RAMP1: variants seen among roughly 807,000 people sequenced by gnomAD.
RAMP1 encodes the protein receptor activity-modifying protein 1.
RAMP1 carries 7 observed loss-of-function variants against 8.2 expected under a neutral mutation model. The observed-to-expected ratio is 0.85, with a 90% CI of 0.49 to 1.60. The LOEUF (loss-of-function observed/expected upper bound fraction) is 1.60, where lower values mean the gene tolerates loss of function less well. Ranked by LOEUF, RAMP1 falls within the 40% of genes most tolerant of loss-of-function variation. The pLI, the probability that RAMP1 is intolerant of heterozygous loss-of-function variation, is 0.00. For missense variants in RAMP1, 192 were observed against 202.4 expected (o/e 0.95, Z 0.31); for synonymous variants, 92 against 84.7 (o/e 1.09, Z -0.47).
At position 237,900,556 on chromosome 2, in the gene RAMP1, TTTTG is replaced by T. The variant is rs373214866; in HGVS notation, c.192-10968_192-10965del. Among the ~76,000 whole-genome samples the T allele has an allele frequency of 8.1e-3, 1,233 of 152,340 alleles. 14 individuals are homozygous for T. Among genetic ancestry groups the T allele is most frequent in the African/African-American group, 0.028 (1,159 of 41,570 alleles). On this transcript the variant is annotated intron_variant, in intron 2 of 2. Transcript: ENST00000254661. ...AAAAATATCTTGCTTTGGATACTTA[TTTTG>T]TTTATTTTCATTTATTTTTGTTTAA...
rs142793714 is a variant in RAMP1, at chr2:237,865,647, G to T, written c.52+5920G>T. 3.2e-4 allele frequency among the ~76,000 whole-genome samples: 49 copies of T among 152,286 alleles called. 1 individual carries two copies. In the East Asian group the frequency reaches 5.4e-3, roughly 17 times the overall value. ...TAGACAGGAGTCTATGCAAATCAAG[G>T]GTTCAGAAAGAGGTATGGCCAAGAG... On this transcript the variant is annotated intron_variant, in intron 1 of 2. Transcript: ENST00000254661. The surrounding 1 kb of genome is among the most constrained non-coding windows in gnomAD (Gnocchi z 4.2).
chr2:237,904,994 C>T (rs2062638728), intron 2 of RAMP1, among the ~76,000 whole-genome samples: 1 of 152,160 alleles, frequency 6.6e-6, no homozygotes, highest in Admixed American at 6.5e-5. Context: ...ATCACACTTT[C>T]TTACCAGCAA....
At chr2:237,895,453 G>C (rs2062532364) in intron 2 of RAMP1, among the ~76,000 whole-genome samples, 1 of 152,282 alleles carries the variant, frequency 6.6e-6, no homozygotes, top group African/African-American at 2.4e-5. Flanking sequence ...CCCCACGTTG[G>C]GATGTTTCCT....
intron 1 of RAMP1, among the ~76,000 whole-genome samples, chr2:237,861,822 G>T (rs1168559286): frequency 6.6e-6 from 1 of 150,806 alleles, no homozygotes; most frequent in Non-Finnish European, 1.5e-5. Context: ...CTGCACTCCA[G>T]CCTGGGTGAT....
intron 1 of RAMP1, among the ~76,000 whole-genome samples, chr2:237,860,749 C>T: frequency 6.6e-6 from 1 of 152,142 alleles, no homozygotes; most frequent in East Asian, 1.9e-4. Flanking sequence ...ACCTCTTTGG[C>T]GCTGGCACTG....
intron 2 of RAMP1, among the ~76,000 whole-genome samples, chr2:237,894,637 C>T (rs961211325): frequency 1.3e-5 from 2 of 152,198 alleles, no homozygotes; most frequent in Non-Finnish European, 2.9e-5. Flanking sequence ...AGAAGCCAGG[C>T]GGGGCTGAGG....
At chr2:237,897,036 C>T (rs1249704483) in intron 2 of RAMP1, among the ~76,000 whole-genome samples, 1 of 152,218 alleles carries the variant, frequency 6.6e-6, no homozygotes, top group Non-Finnish European at 1.5e-5. Flanking sequence ...GGGTCACCTG[C>T]CCCAGCCTCA....
chr2:237,893,723 G>A (rs2062509115), intron 2 of RAMP1, among the ~76,000 whole-genome samples: 1 of 152,124 alleles, frequency 6.6e-6, no homozygotes, highest in Non-Finnish European at 1.5e-5. Flanking sequence ...TGGATCACTT[G>A]AGGTCAGGAG....
intron 1 of RAMP1, among the ~76,000 whole-genome samples, chr2:237,867,396 C>T (rs1484572358): frequency 6.7e-6 from 1 of 150,186 alleles, no homozygotes; most frequent in Non-Finnish European, 1.5e-5. Context: ...AGGTGATCCA[C>T]ACAGTTCAGA....
intron 2 of RAMP1, among the ~76,000 whole-genome samples, chr2:237,883,591 GA>G (rs2062395425): frequency 1.3e-5 from 2 of 152,194 alleles, no homozygotes; most frequent in Non-Finnish European, 2.9e-5. Context: ...CAAGGCAGAA[GA>G]ATTACTTAAG....
intron 1 of RAMP1, among the ~76,000 whole-genome samples, chr2:237,869,499 G>A (rs1050400582): frequency 1.1e-4 from 16 of 152,110 alleles, no homozygotes; most frequent in African/African-American, 3.9e-4. Flanking sequence ...TTCTGTCTCT[G>A]ACTACTCTAG....
chr2:237,876,563 G>A (rs1423489572), intron 1 of RAMP1, among the ~76,000 whole-genome samples: 4 of 152,198 alleles, frequency 2.6e-5, no homozygotes, highest in East Asian at 1.9e-4. Context: ...GCTGCCCTAC[G>A]AGGTGGCCAA....
At chr2:237,874,079 G>C (rs2062274265) in intron 1 of RAMP1, among the ~76,000 whole-genome samples, 1 of 152,210 alleles carries the variant, frequency 6.6e-6, no homozygotes, top group Non-Finnish European at 1.5e-5. Context: ...CATCCAGGAG[G>C]GACCAGCCCA....
In RAMP1 at chr2:237,911,549, C is replaced by T; in HGVS notation, c.213C>T (p.Asp71=). The part of the protein sequence containing the change: ...RTIRSYRELA[D]CTWHMAEKLG... ...GCAGGAGCTACAGGGAGCTGGCCGA[C>T]TGCACCTGGCACATGGCGGAGAAGC... The change falls in exon 3 of 3, where the codon GAC becomes GAT. Residue 71 remains aspartate (D), a synonymous_variant. Transcript: ENST00000254661. The T allele has an allele frequency of 9.3e-6, 15 of 1,614,140 alleles. No individual in the cohort carries two copies. The highest frequency in any genetic ancestry group is 1.3e-5 in the Non-Finnish European group (15 of 1,179,982).
At position 237,893,014 on chromosome 2, in the gene RAMP1, G is replaced by A. The variant is rs555325357; in HGVS notation, c.191+15652G>A. On this transcript the variant is annotated intron_variant, in intron 2 of 2. Coordinates refer to ENST00000254661, the MANE Select transcript of RAMP1 (RefSeq NM_005855.4). ...TTTCTAGCATCATTCCCTTTTACATGTTACCTTTTAAATTCAGGAGATTAT... is the reference window on the plus strand; with the variant it reads ...TTTCTAGCATCATTCCCTTTTACATATTACCTTTTAAATTCAGGAGATTAT... Among the ~76,000 whole-genome samples, 11 of 152,244 alleles carry A rather than the reference G, an allele frequency of 7.2e-5. No individual in the cohort carries two copies. In the South Asian group the frequency reaches 2.3e-3, roughly 32 times the overall value.
chr2:237,898,438 T>C (rs567098384), intron 2 of RAMP1, among the ~76,000 whole-genome samples: 4 of 152,182 alleles, frequency 2.6e-5, no homozygotes, highest in Non-Finnish European at 5.9e-5. Context: ...AATATCCGTC[T>C]TTCCCTCACG....
intron 2 of RAMP1, among the ~76,000 whole-genome samples, chr2:237,888,590 C>G (rs974562401): frequency 6.6e-6 from 1 of 152,180 alleles, no homozygotes; most frequent in Admixed American, 6.5e-5. Context: ...TGTTTTTTCT[C>G]AAGTGCAAGT....
intron 2 of RAMP1, among the ~76,000 whole-genome samples, chr2:237,899,147 T>C (rs942107474): frequency 6.6e-6 from 1 of 152,018 alleles, no homozygotes; most frequent in African/African-American, 2.4e-5. Flanking sequence ...CTCCGCTCGC[T>C]GCAACCTCCG....
chr2:237,910,069 G>C (rs565802581), intron 2 of RAMP1, among the ~76,000 whole-genome samples: 3 of 152,264 alleles, frequency 2.0e-5, no homozygotes, highest in Non-Finnish European at 4.4e-5. Context: ...GTGGGTAAAG[G>C]CACCTGCAGC....
Sources: allele counts gnomAD v4.1 joint callset (sites outside exome capture counted in the v4.1 genomes callset), GRCh38; gene constraint gnomAD v4.1.1; non-coding constraint Gnocchi (gnomAD v3.1); transcripts MANE v1.5; gene names NCBI Gene and HGNC (gene_info 2026-07-23, HGNC 2026-07-21).